Variants in FRS2 observed in about 807,000 individuals in gnomAD.
FRS2 encodes the protein FGFR signalling adaptor.
In FRS2, 8 loss-of-function variants were observed where a neutral mutation model predicts 43.9. That is an observed-to-expected ratio of 0.18 (90% CI 0.11 to 0.33). The LOEUF is 0.33. Ranked by LOEUF, FRS2 falls within the 10% of genes least tolerant of loss-of-function variation. The probability of loss-of-function intolerance (pLI) is 1.00; values close to 1 mark genes in which losing one functional copy is unlikely to be tolerated. For missense variants in FRS2, 534 were observed against 627.6 expected, an observed-to-expected ratio of 0.85 and a Z score of 1.59; for synonymous variants, 219 against 220.3, an observed-to-expected ratio of 0.99 and a Z score of 0.05.
rs1881378826 is a variant in FRS2, at chr12:69,579,011, A to G, written c.*4056A>G. 1 of 152,588 alleles carries G rather than the reference A, an allele frequency of 6.6e-6. No individual in the cohort carries two copies. Among genetic ancestry groups the G allele is most frequent in the African/African-American group, 2.4e-5 (1 of 41,444 alleles). The allele number at this position is 152,588 out of a possible 1,614,324, so 9.5% of individuals were successfully genotyped here. A position where few individuals can be genotyped will look rare whatever the true frequency, so the allele number is the denominator to read the frequency against. Reference sequence around the variant, plus strand: ...ATCAGCATTTTAAATTTTGGTTTGCATTTTTAATATTGGCAAAACGTAACC... The same window carrying G: ...ATCAGCATTTTAAATTTTGGTTTGCGTTTTTAATATTGGCAAAACGTAACC... On this transcript the variant is annotated 3_prime_UTR_variant, in exon 9 of 9. Transcript: ENST00000549921.
At chr12:69,518,945 C>T (rs1403122827) in intron 1 of FRS2, among the ~76,000 whole-genome samples, 4 of 142,572 alleles carry the variant, frequency 2.8e-5, no homozygotes, top group East Asian at 4.2e-4. Context: ...ACCCGGGAAG[C>T]GGGTAGCGCC....
At chr12:69,564,391 GT>G (rs1308391157) in intron 4 of FRS2, among the ~76,000 whole-genome samples, 1 of 152,166 alleles carries the variant, frequency 6.6e-6, no homozygotes, top group East Asian at 1.9e-4. Context: ...GTGTTCTAAT[GT>G]TTTACCTTCT....
intron 1 of FRS2, among the ~76,000 whole-genome samples, chr12:69,519,618 C>G (rs1762645255): frequency 6.6e-6 from 1 of 152,122 alleles, no homozygotes; most frequent in African/African-American, 2.4e-5. Context: ...TCCATGTGTA[C>G]TCATCATTTA....
intron 3 of FRS2, among the ~76,000 whole-genome samples, chr12:69,547,232 G>A (rs914722329): frequency 1.3e-5 from 2 of 152,138 alleles, no homozygotes; most frequent in Admixed American, 6.6e-5. Context: ...CTGTTTAACG[G>A]CCGTGGAGTT....
intron 1 of FRS2, among the ~76,000 whole-genome samples, chr12:69,485,574 C>T (rs145781132): frequency 0.019 from 2,829 of 152,186 alleles, 94 homozygotes; most frequent in African/African-American, 0.063. Flanking sequence ...CCTCCACCTC[C>T]CAAGTTCAGG....
chr12:69,550,727 C>T (rs896527740), intron 3 of FRS2, among the ~76,000 whole-genome samples: 40 of 152,294 alleles, frequency 2.6e-4, no homozygotes, highest in Admixed American at 6.5e-4. Context: ...AGCCATACTG[C>T]ACTTTCTATT....
intron 1 of FRS2, among the ~76,000 whole-genome samples, chr12:69,516,215 A>ATTC (rs955897341): frequency 3.3e-4 from 49 of 147,978 alleles, no homozygotes; most frequent in South Asian, 6.5e-4. Context: ...TATTATTATT[A>ATTC]TTACTATTTT....
intron 1 of FRS2, among the ~76,000 whole-genome samples, chr12:69,497,215 G>A (rs766766294): frequency 2.6e-5 from 4 of 152,222 alleles, no homozygotes; most frequent in Non-Finnish European, 4.4e-5. Flanking sequence ...TTCATTGGTG[G>A]TAATAAGCGC....
At chr12:69,501,476 C>T (rs769682136) in intron 1 of FRS2, among the ~76,000 whole-genome samples, 3 of 152,192 alleles carry the variant, frequency 2.0e-5, no homozygotes, top group Non-Finnish European at 4.4e-5. Context: ...AATTAGATAT[C>T]TCTTGCTGTT....
chr12:69,491,768 G>T (rs1872519596), intron 1 of FRS2: 1 of 152,026 alleles, frequency 6.6e-6, no homozygotes, highest in East Asian at 1.9e-4. Context: ...CAACTGCTGG[G>T]TTTACAGGTG....
At chr12:69,537,023 T>A (rs1440798903) in intron 3 of FRS2, among the ~76,000 whole-genome samples, 1 of 152,200 alleles carries the variant, frequency 6.6e-6, no homozygotes, top group Non-Finnish European at 1.5e-5. Flanking sequence ...TTGTTTATAA[T>A]TAATATATTA....
intron 1 of FRS2, among the ~76,000 whole-genome samples, chr12:69,518,361 A>G (rs558713186): frequency 6.6e-6 from 1 of 152,146 alleles, no homozygotes; most frequent in African/African-American, 2.4e-5. Context: ...AGAACTACTG[A>G]CAAATGAAGA....
At chr12:69,484,059 G>T (rs762056873) in intron 1 of FRS2, among the ~76,000 whole-genome samples, 14 of 151,986 alleles carry the variant, frequency 9.2e-5, no homozygotes, top group Non-Finnish European at 1.9e-4. Flanking sequence ...TAAAAAATGT[G>T]ATATTACTTT....
intron 1 of FRS2, among the ~76,000 whole-genome samples, chr12:69,503,863 A>G (rs1397127163): frequency 6.6e-6 from 1 of 152,140 alleles, no homozygotes; most frequent in Non-Finnish European, 1.5e-5. Flanking sequence ...CAGTGCTTTT[A>G]TTTTTTAAAT....
chr12:69,471,848 C>T (rs1870328306), intron 1 of FRS2, among the ~76,000 whole-genome samples: 1 of 152,148 alleles, frequency 6.6e-6, no homozygotes, highest in Non-Finnish European at 1.5e-5. Context: ...AGGGTTTATT[C>T]TGTAGTTTTT....
At chr12:69,503,339 A>G (rs1191006527) in intron 1 of FRS2, among the ~76,000 whole-genome samples, 1 of 151,988 alleles carries the variant, frequency 6.6e-6, no homozygotes, top group Admixed American at 6.6e-5. Context: ...CGTTTGAAGG[A>G]TTTTTGAGGT....
At chr12:69,521,466 T>A (rs925389415) in intron 1 of FRS2, among the ~76,000 whole-genome samples, 1 of 152,190 alleles carries the variant, frequency 6.6e-6, no homozygotes, top group Non-Finnish European at 1.5e-5. Flanking sequence ...CAAGAGGGCA[T>A]CCTTGTTTTG....
rs979651933 is a variant in FRS2, at chr12:69,577,617, A to G, written c.*2662A>G. The stretch of plus-strand genomic sequence containing the variant: ...CTCCAAATAGAATACTGTTTTATCC[A>G]TACAAATCATAACAGCATCTATCCC... On this transcript the variant is annotated 3_prime_UTR_variant, in exon 9 of 9. Coordinates refer to ENST00000549921, the MANE Select transcript of FRS2 (RefSeq NM_001278356.2). The G allele has an allele frequency of 2.0e-5, 3 of 152,624 alleles. No homozygotes were observed. Among genetic ancestry groups the G allele is most frequent in the African/African-American group, 4.8e-5 (2 of 41,466 alleles). The allele number at this position is 152,624 out of a possible 1,614,324, so 9.5% of individuals were successfully genotyped here. A position where few individuals can be genotyped will look rare whatever the true frequency, so the allele number is the denominator to read the frequency against.
chr12:69,566,272 C>T (rs956790950), intron 4 of FRS2, among the ~76,000 whole-genome samples: 7 of 152,032 alleles, frequency 4.6e-5, no homozygotes, highest in Non-Finnish European at 5.9e-5. Context: ...AAAAACATTC[C>T]TTTGGAGCAT....
Sources: allele counts gnomAD v4.1 joint callset (sites outside exome capture counted in the v4.1 genomes callset), GRCh38; gene constraint gnomAD v4.1.1; transcripts MANE v1.5; gene names NCBI Gene and HGNC (gene_info 2026-07-23, HGNC 2026-07-21).